Variants in FAM185A observed in about 807,000 individuals in gnomAD.
FAM185A encodes family with sequence similarity 185 member A.
FAM185A carries 21 observed loss-of-function variants against 45.7 expected under a neutral mutation model. The observed-to-expected ratio is 0.46, with a 90% CI of 0.33 to 0.66. FAM185A has a LOEUF of 0.66. Ranked by LOEUF, FAM185A falls within the 30% of genes least tolerant of loss-of-function variation. The probability of loss-of-function intolerance (pLI) is 0.03; values close to 1 mark genes in which losing one functional copy is unlikely to be tolerated. For missense variants in FAM185A, 305 were observed against 485.4 expected, an observed-to-expected ratio of 0.63 and a Z score of 3.49; for synonymous variants, 117 against 194.0, an observed-to-expected ratio of 0.60 and a Z score of 3.30.
chr7:102,819,346 T>C, the FAM185A span, among the ~76,000 whole-genome samples: 1 of 152,162 alleles, frequency 6.6e-6, no homozygotes, highest in South Asian at 2.1e-4. Flanking sequence ...CTGGGGTCAC[T>C]TCCTGGAAAC....
the FAM185A span, among the ~76,000 whole-genome samples, chr7:102,849,357 C>T: frequency 6.6e-6 from 1 of 152,226 alleles, no homozygotes; most frequent in Non-Finnish European, 1.5e-5. Flanking sequence ...GCTCCAGACA[C>T]TGACTCTGCG....
rs1231118727 is a variant in FAM185A at position 102,749,310 on chromosome 7, C to T, written c.103C>T (p.Gln35Ter). Reference sequence around the variant, plus strand: ...TGGGCGCTGGGCTTGCTGGGCTTGCCAAGCCAGGCCGTACAGCTCAGGTGG... The same window carrying T: ...TGGGCGCTGGGCTTGCTGGGCTTGCTAAGCCAGGCCGTACAGCTCAGGTGG... ...GAGRWACWAC[Q>*]ARPYSSGGSE... Residue 35 changes from glutamine to a stop codon, truncating the protein, a stop_gained, in exon 1 of 8, where the codon CAA (glutamine) becomes TAA (stop). Coordinates refer to ENST00000413034, the MANE Select transcript of FAM185A (RefSeq NM_001145268.2). LOFTEE classifies it high-confidence loss of function. 1 of 1,549,630 alleles carries T rather than the reference C, an allele frequency of 6.5e-7. No homozygotes were observed. The highest frequency in any genetic ancestry group is 8.7e-7 in the Non-Finnish European group (1 of 1,146,712).
intron 4 of FAM185A, among the ~76,000 whole-genome samples, chr7:102,769,085 A>G (rs543422211): frequency 3.3e-5 from 5 of 152,102 alleles, no homozygotes; most frequent in Non-Finnish European, 7.4e-5. Context: ...GAGATTTTCT[A>G]AATATTTTGA....
chr7:102,822,264 C>T, the FAM185A span: 2 of 1,520,856 alleles, frequency 1.3e-6, no homozygotes, highest in Admixed American at 3.3e-5. Flanking sequence ...AAGAACAGTG[C>T]CTTAGTCACT....
chr7:102,808,047 T>C (rs1797238597), intron 7 of FAM185A, among the ~76,000 whole-genome samples: 1 of 151,540 alleles, frequency 6.6e-6, no homozygotes, highest in Non-Finnish European at 1.5e-5. Flanking sequence ...GGCAACAGAG[T>C]GACACTATGT....
chr7:102,806,343 C>G (rs1400518934), intron 7 of FAM185A, among the ~76,000 whole-genome samples: 2 of 152,114 alleles, frequency 1.3e-5, no homozygotes, highest in Non-Finnish European at 2.9e-5. Flanking sequence ...TGGCACCACA[C>G]TTGGCTAATT....
At chr7:102,807,242 C>T (rs1797172739) in intron 7 of FAM185A, among the ~76,000 whole-genome samples, 3 of 151,904 alleles carry the variant, frequency 2.0e-5, no homozygotes, top group Admixed American at 2.0e-4. Flanking sequence ...TACTTGACTA[C>T]AAAGAAATTT....
the FAM185A span, among the ~76,000 whole-genome samples, chr7:102,831,514 C>A: frequency 6.6e-6 from 1 of 151,916 alleles, no homozygotes; most frequent in South Asian, 2.1e-4. Context: ...AATCTCCAGG[C>A]TTCTGTTTGG....
intron 4 of FAM185A, among the ~76,000 whole-genome samples, chr7:102,764,927 C>A (rs1303947200): frequency 2.0e-5 from 3 of 152,150 alleles, no homozygotes; most frequent in Non-Finnish European, 4.4e-5. Flanking sequence ...GAGTTTGGAG[C>A]CTTTGTGCCA....
intron 6 of FAM185A, among the ~76,000 whole-genome samples, chr7:102,782,344 A>G (rs1795465465): frequency 6.6e-6 from 1 of 152,182 alleles, no homozygotes; most frequent in African/African-American, 2.4e-5. Flanking sequence ...AAGACACATA[A>G]TTGTCAGATT....
the FAM185A span, among the ~76,000 whole-genome samples, chr7:102,839,568 T>G: frequency 6.6e-6 from 1 of 152,172 alleles, no homozygotes; most frequent in Non-Finnish European, 1.5e-5. Flanking sequence ...TTCTCGTTCC[T>G]CAGCCTCTAG....
intron 7 of FAM185A, among the ~76,000 whole-genome samples, chr7:102,803,711 G>A (rs1373127526): frequency 7.9e-6 from 1 of 127,086 alleles, no homozygotes; most frequent in Non-Finnish European, 1.6e-5. Flanking sequence ...GAAATAAAGG[G>A]TATCCAAATT....
At chr7:102,771,311 A>G (rs1473458868) in intron 4 of FAM185A, among the ~76,000 whole-genome samples, 2 of 152,162 alleles carry the variant, frequency 1.3e-5, no homozygotes, top group Middle Eastern at 3.2e-3. Context: ...ACATCACACA[A>G]TATACCCAGG....
At chr7:102,798,369 T>C (rs1474026600) in intron 7 of FAM185A, among the ~76,000 whole-genome samples, 1 of 152,234 alleles carries the variant, frequency 6.6e-6, no homozygotes, top group Non-Finnish European at 1.5e-5. Flanking sequence ...AATTACTTAT[T>C]GGCAAGATAG....
At position 102,808,467 on chromosome 7, in the gene FAM185A, A is replaced by T; in HGVS notation, c.*65A>T. ...CGCAGATCTGTGACTACAAAAATGT[A>T]AATCCCACCATTCATATAAAGGTTG... On this transcript the variant is annotated 3_prime_UTR_variant, in exon 8 of 8. Coordinates refer to ENST00000413034, the MANE Select transcript of FAM185A (RefSeq NM_001145268.2). The T allele has an allele frequency of 2.1e-6, 2 of 962,382 alleles. 1 individual carries two copies. Among genetic ancestry groups the T allele is most frequent in the South Asian group, 2.8e-5 (2 of 71,218 alleles). 59.6% of individuals were successfully genotyped at this position (962,382 alleles called of 1,614,324 possible). A position where few individuals can be genotyped will look rare whatever the true frequency, so the allele number is the denominator to read the frequency against.
rs1471676311 is a variant in FAM185A at position 102,799,877 on chromosome 7, ACT to A, written c.1067-8410_1067-8409del. Among the ~76,000 whole-genome samples the A allele has an allele frequency of 3.9e-5, 6 of 152,170 alleles. No homozygotes were observed. In the South Asian group the frequency reaches 1.2e-3, roughly 32 times the overall value. ...GTGGCAAGACTAGATTGCGGCTCTG[ACT>A]CTGACGGACAGAGCAGCGTGTAGAG... On this transcript the variant is annotated intron_variant, in intron 7 of 7. Transcript: ENST00000413034.
intron 2 of FAM185A, chr7:102,755,558 TAAC>T: frequency 1.6e-6 from 1 of 626,202 alleles, no homozygotes; most frequent in South Asian, 1.7e-5. Flanking sequence ...GAGCAGGAGT[TAAC>T]ACCATCACCA....
chr7:102,850,003 GTTTT>G, the FAM185A span, among the ~76,000 whole-genome samples: 1 of 149,236 alleles, frequency 6.7e-6, no homozygotes, highest in Admixed American at 6.7e-5. Context: ...GTTTTGTTTT[GTTTT>G]TTTAGAAAAA....
downstream of FAM185A, chr7:102,813,285 A>G (rs1797559076): frequency 6.7e-7 from 1 of 1,494,010 alleles, no homozygotes; most frequent in African/African-American, 1.4e-5. Flanking sequence ...ACTTGCAACA[A>G]ATGGAGAAAA....
Sources: gnomAD v4.1 joint callset for allele counts (sites outside exome capture counted in the v4.1 genomes callset) on GRCh38, gnomAD v4.1.1 for gene constraint, MANE v1.5 for transcripts, NCBI Gene and HGNC (gene_info 2026-07-23, HGNC 2026-07-21) for gene names.